MAML3: variants seen among roughly 807,000 people sequenced by gnomAD.
The protein encoded by MAML3 is mastermind like transcriptional coactivator 3.
In MAML3, 27 loss-of-function variants were observed where a neutral mutation model predicts 101.9. The ratio of observed to expected loss-of-function variants is 0.27; its 90% CI spans 0.20 to 0.37. The LOEUF is 0.37. Ranked by LOEUF, MAML3 falls within the 10% of genes least tolerant of loss-of-function variation. MAML3 has a pLI of 1.00. For missense variants in MAML3, 1,316 were observed against 1,444.9 expected (o/e 0.91, Z 1.45); for synonymous variants, 501 against 555.9 (o/e 0.90, Z 1.39).
chr4:140,086,694 A>G (rs1315567282), intron 1 of MAML3, among the ~76,000 whole-genome samples: 1 of 152,174 alleles, frequency 6.6e-6, no homozygotes, highest in African/African-American at 2.4e-5. Flanking sequence ...AACCACTTAA[A>G]GGTGGGGTGG....
intron 1 of MAML3, among the ~76,000 whole-genome samples, chr4:139,929,121 C>T (rs949033334): frequency 6.6e-6 from 1 of 152,022 alleles, no homozygotes; most frequent in African/African-American, 2.4e-5. Context: ...GTTCAATAGC[C>T]CCCCAAATGC....
At chr4:139,747,667 C>T (rs1366391912) in intron 2 of MAML3, among the ~76,000 whole-genome samples, 1 of 151,400 alleles carries the variant, frequency 6.6e-6, no homozygotes, top group African/African-American at 2.4e-5. Context: ...GCACTCCAGC[C>T]TGGGCAAGAG....
At chr4:140,074,820 T>A (rs1369517606) in intron 1 of MAML3, among the ~76,000 whole-genome samples, 1 of 152,224 alleles carries the variant, frequency 6.6e-6, no homozygotes, top group Non-Finnish European at 1.5e-5. Flanking sequence ...CTTTGCTTTC[T>A]GATAGTTCAA....
At chr4:140,054,460 T>C (rs1727319785) in intron 1 of MAML3, among the ~76,000 whole-genome samples, 1 of 152,222 alleles carries the variant, frequency 6.6e-6, no homozygotes, top group Non-Finnish European at 1.5e-5. Context: ...AAGATTTCTT[T>C]AGAGCTTTCA....
chr4:140,027,669 C>T (rs1289488976), intron 1 of MAML3, among the ~76,000 whole-genome samples: 2 of 152,176 alleles, frequency 1.3e-5, no homozygotes, highest in African/African-American at 4.8e-5. Flanking sequence ...TAAGACCATG[C>T]TGAACACTCG....
chr4:140,018,861 A>G (rs7657431), intron 1 of MAML3, among the ~76,000 whole-genome samples: 105,675 of 151,940 alleles, frequency 0.7, 40,285 homozygotes, highest in East Asian at 0.94. Context: ...AACTTTTCAT[A>G]ATTATAATTA....
intron 4 of MAML3, among the ~76,000 whole-genome samples, chr4:139,723,817 C>G (rs1265966478): frequency 1.3e-5 from 2 of 152,198 alleles, no homozygotes; most frequent in Non-Finnish European, 2.9e-5. Context: ...CAGCAGCTCT[C>G]AAGCGTGGTT....
intron 1 of MAML3, among the ~76,000 whole-genome samples, chr4:140,027,205 A>G (rs1455154052): frequency 6.6e-6 from 1 of 152,218 alleles, no homozygotes; most frequent in Non-Finnish European, 1.5e-5. Context: ...CCATGGCATT[A>G]TCCTTTATCT....
At chr4:139,822,317 G>A (rs1730988506) in intron 2 of MAML3, among the ~76,000 whole-genome samples, 5 of 148,920 alleles carry the variant, frequency 3.4e-5, no homozygotes, top group Non-Finnish European at 3.0e-5. Context: ...GGGAGTAGAG[G>A]CCATGGAGAC....
intron 2 of MAML3, among the ~76,000 whole-genome samples, chr4:139,887,300 C>A (rs1349250494): frequency 1.3e-5 from 2 of 152,188 alleles, no homozygotes; most frequent in African/African-American, 4.8e-5. Flanking sequence ...TTAAAAAGCA[C>A]GCTTTTACCT....
At chr4:139,967,801 TCTCA>T (rs1734163691) in intron 1 of MAML3, among the ~76,000 whole-genome samples, 1 of 151,998 alleles carries the variant, frequency 6.6e-6, no homozygotes, top group Non-Finnish European at 1.5e-5. Context: ...TGCATTCAGA[TCTCA>T]CTCTGTATTG....
At chr4:139,828,708 ACTTC>A (rs1380286915) in intron 2 of MAML3, among the ~76,000 whole-genome samples, 2 of 141,926 alleles carry the variant, frequency 1.4e-5, no homozygotes, top group African/African-American at 5.4e-5. Context: ...CAGAAGATGC[ACTTC>A]TTTTTTTTTT....
chr4:139,781,507 T>TTATATATATATATATATATATATATA (rs1245401496), intron 2 of MAML3, among the ~76,000 whole-genome samples: 1 of 104,346 alleles, frequency 9.6e-6, no homozygotes, highest in African/African-American at 4.1e-5. Flanking sequence ...CAGAGCATTT[T>TTATATATATATATATATATATATATA]CATATATATA....
chr4:140,082,830 G>A (rs922630781), intron 1 of MAML3, among the ~76,000 whole-genome samples: 5 of 151,804 alleles, frequency 3.3e-5, no homozygotes, highest in African/African-American at 9.7e-5. Context: ...GGGTCCCACC[G>A]GGGCTGAGCT....
chr4:140,134,454 A>G (rs1436347472), intron 1 of MAML3: 1 of 451,000 alleles, frequency 2.2e-6, no homozygotes, highest in South Asian at 1.6e-5. Context: ...ATCTACTTAC[A>G]GCAGATTTGT....
intron 2 of MAML3, among the ~76,000 whole-genome samples, chr4:139,780,159 T>C (rs749633694): frequency 6.6e-6 from 1 of 152,366 alleles, no homozygotes; most frequent in Non-Finnish European, 1.5e-5. Context: ...CAAGTGTTCA[T>C]AGCCACACTT....
intron 2 of MAML3, among the ~76,000 whole-genome samples, chr4:139,836,757 A>G (rs1731260831): frequency 6.6e-6 from 1 of 151,940 alleles, no homozygotes; most frequent in Non-Finnish European, 1.5e-5. Context: ...CACACTTACT[A>G]AGTTGCTACT....
chr4:139,896,651 TGAGA>T (rs869129244), intron 1 of MAML3, among the ~76,000 whole-genome samples: 2 of 150,190 alleles, frequency 1.3e-5, no homozygotes, highest in African/African-American at 2.5e-5. Flanking sequence ...TGTGTGTGTG[TGAGA>T]GAGAGAGAGA....
At chr4:139,832,094 C>CCTTTTTTTTTTTTTTTT (rs1234455929) in intron 2 of MAML3, among the ~76,000 whole-genome samples, 1 of 64,680 alleles carries the variant, frequency 1.5e-5, no homozygotes, top group South Asian at 9.5e-4. Context: ...TGCCCAGCCC[C>CCTTTTTTTTTTTTTTTT]TTTTTTTTTT....
Sources: allele counts gnomAD v4.1 joint callset (sites outside exome capture counted in the v4.1 genomes callset), GRCh38; gene constraint gnomAD v4.1.1; transcripts MANE v1.5; gene names NCBI Gene and HGNC (gene_info 2026-07-23, HGNC 2026-07-21).